Variants in CACNA2D1 observed in about 807,000 individuals in gnomAD.
The protein encoded by CACNA2D1 is calcium voltage-gated channel auxiliary subunit alpha2delta 1.
In CACNA2D1, 53 loss-of-function variants were observed where a neutral mutation model predicts 171.5. The observed-to-expected ratio is 0.31, with a 90% CI of 0.25 to 0.39. CACNA2D1 has a LOEUF of 0.39. Ranked by LOEUF, CACNA2D1 falls within the 10% of genes least tolerant of loss-of-function variation. CACNA2D1 has a pLI of 1.00. For missense variants in CACNA2D1, 903 were observed against 1,299.8 expected (o/e 0.69, Z 4.69); for synonymous variants, 442 against 443.1 (o/e 1.00, Z 0.03).
At chr7:81,970,163 A>T (rs1352945929) in intron 27 of CACNA2D1, among the ~76,000 whole-genome samples, 179 bp from the exon 28 acceptor site, 1 of 151,424 alleles carries the variant, frequency 6.6e-6, no homozygotes, top group Non-Finnish European at 1.5e-5. Context: ...CATAGCACTA[A>T]ATTAAGAATC....
intron 29 of CACNA2D1, 106 bp from the exon 30 acceptor site, chr7:81,967,769 GAAGTTT>G: frequency 1.6e-6 from 1 of 628,142 alleles, no homozygotes; most frequent in Admixed American, 2.6e-5. Context: ...GTTTATTACA[GAAGTTT>G]TAGTTTTGTG....
At chr7:82,319,463 C>T (rs570880918) in intron 3 of CACNA2D1, among the ~76,000 whole-genome samples, 1 of 152,270 alleles carries the variant, frequency 6.6e-6, no homozygotes, top group Admixed American at 6.5e-5. Flanking sequence ...AAGAGTCAAA[C>T]TTGTTACTAT....
chr7:81,969,998 G>A lies in CACNA2D1; in HGVS notation c.2205-14C>T, dbSNP rs574428824. On this transcript the variant is annotated splice_polypyrimidine_tract_variant and intron_variant, in intron 27 of 38. Transcript: ENST00000356860. The stretch of plus-strand genomic sequence containing the variant: ...TTTTCTCCAGCCCTAAGGAGGAAAT[G>A]GCTCATCATTTGTATTCTTTAATCT... 4.1e-6 allele frequency: 6 copies of A among 1,447,276 alleles called. No individual in the cohort carries two copies. The Admixed American group carries it at 5.1e-5, about 12-fold the overall frequency. The allele number at this position is 1,447,276 out of a possible 1,614,324, so 89.7% of individuals were successfully genotyped here. A position where few individuals can be genotyped will look rare whatever the true frequency, so the allele number is the denominator to read the frequency against.
chr7:82,357,196 T>C (rs1181328461), intron 1 of CACNA2D1, among the ~76,000 whole-genome samples: 1 of 152,156 alleles, frequency 6.6e-6, no homozygotes, highest in African/African-American at 2.4e-5. Flanking sequence ...AAGGTTGGAT[T>C]TGTCTGTAAT....
intron 3 of CACNA2D1, among the ~76,000 whole-genome samples, chr7:82,183,083 A>G (rs545519306): frequency 1.3e-5 from 2 of 152,050 alleles, no homozygotes; most frequent in Admixed American, 1.3e-4. Context: ...GATAAAATCA[A>G]CAAAACTTAT....
chr7:82,071,468 G>A (rs1211152015), intron 7 of CACNA2D1, among the ~76,000 whole-genome samples: 1 of 152,044 alleles, frequency 6.6e-6, no homozygotes, highest in Non-Finnish European at 1.5e-5. Context: ...GGCAGCAATG[G>A]GAATAGGGTA....
At chr7:82,281,741 T>TA (rs1240723070) in intron 3 of CACNA2D1, among the ~76,000 whole-genome samples, 1 of 152,176 alleles carries the variant, frequency 6.6e-6, no homozygotes, top group African/African-American at 2.4e-5. Flanking sequence ...TGAATATAAA[T>TA]ATCAAATGTA....
At chr7:82,033,145 T>G (rs950816017) in intron 11 of CACNA2D1, 9 of 370,904 alleles carry the variant, frequency 2.4e-5, no homozygotes, top group African/African-American at 1.6e-4. Context: ...TACGCCACTT[T>G]ATCATGAGGT....
intron 6 of CACNA2D1, among the ~76,000 whole-genome samples, chr7:82,099,419 CTTCTTTTT>C (rs1690718344): frequency 7.9e-5 from 4 of 50,524 alleles, no homozygotes; most frequent in African/African-American, 1.2e-4. Context: ...GTAGCAATAC[CTTCTTTTT>C]TTTTTTTTTT....
intron 12 of CACNA2D1, among the ~76,000 whole-genome samples, chr7:82,020,112 GA>G (rs1801003890): frequency 6.6e-6 from 1 of 152,172 alleles, no homozygotes; most frequent in African/African-American, 2.4e-5. Context: ...CCAAGGATCT[GA>G]AAGTTACTTG....
chr7:82,371,812 G>A (rs190469744), intron 1 of CACNA2D1, among the ~76,000 whole-genome samples: 3 of 152,176 alleles, frequency 2.0e-5, no homozygotes, highest in Admixed American at 1.3e-4. Context: ...CTGACCTCAG[G>A]TGATCTGCCT....
At chr7:82,145,977 C>T (rs1030954210) in intron 4 of CACNA2D1, among the ~76,000 whole-genome samples, 8 of 151,870 alleles carry the variant, frequency 5.3e-5, no homozygotes, top group Admixed American at 1.3e-4. Context: ...TTTCTTCATC[C>T]GGTATTTTCC....
At chr7:81,954,611 A>C (rs1793003619) in intron 38 of CACNA2D1, among the ~76,000 whole-genome samples, 1 of 152,088 alleles carries the variant, frequency 6.6e-6, no homozygotes, top group African/African-American at 2.4e-5. Flanking sequence ...AAGCTTAATA[A>C]TTTTTAATTT....
intron 10 of CACNA2D1, among the ~76,000 whole-genome samples, chr7:82,053,182 G>T (rs1805403265): frequency 6.6e-6 from 1 of 151,072 alleles, no homozygotes. Flanking sequence ...AACCTGGGAG[G>T]CGGAGCTTGC....
At chr7:82,026,398 T>C (rs1242966468) in intron 12 of CACNA2D1, among the ~76,000 whole-genome samples, 1 of 151,758 alleles carries the variant, frequency 6.6e-6, no homozygotes, top group Non-Finnish European at 1.5e-5. Context: ...TAAAGTTACA[T>C]GTGAACTTAT....
intron 4 of CACNA2D1, among the ~76,000 whole-genome samples, chr7:82,146,463 AAT>A (rs979907502): frequency 8.3e-5 from 10 of 120,306 alleles, no homozygotes; most frequent in South Asian, 2.5e-4. Flanking sequence ...GATATATATA[AAT>A]ATATATCTTT....
intron 3 of CACNA2D1, among the ~76,000 whole-genome samples, chr7:82,183,028 C>A (rs1455206698): frequency 7.7e-6 from 1 of 130,002 alleles, no homozygotes; most frequent in African/African-American, 2.9e-5. Flanking sequence ...TAGTGTGAGA[C>A]TCCATCTTAA....
chr7:81,971,096 C>G (rs1047553081), intron 26 of CACNA2D1: 6 of 247,720 alleles, frequency 2.4e-5, no homozygotes, highest in South Asian at 5.3e-5. Context: ...AGGAGAGAAA[C>G]AGTAAGAAGT....
rs573782538 is a variant in CACNA2D1, at chr7:82,292,839, T to C, written c.294+42296A>G. Among the ~76,000 whole-genome samples the C allele has an allele frequency of 3.3e-5, 5 of 152,236 alleles. 1 individual carries two copies. Among genetic ancestry groups the C allele is most frequent in the African/African-American group, 1.2e-4 (5 of 41,580 alleles). On this transcript the variant is annotated intron_variant, in intron 3 of 38. Coordinates refer to ENST00000356860, the MANE Select transcript of CACNA2D1 (RefSeq NM_000722.4). Reference sequence around the variant, plus strand: ...ATAATTTAAATAAACAAATTTTATATGAATATATGAGTAAGCATTCTTACT... The same window carrying C: ...ATAATTTAAATAAACAAATTTTATACGAATATATGAGTAAGCATTCTTACT...
Sources: allele counts gnomAD v4.1 joint callset (sites outside exome capture counted in the v4.1 genomes callset), GRCh38; gene constraint gnomAD v4.1.1; transcripts MANE v1.5; gene names NCBI Gene and HGNC (gene_info 2026-07-23, HGNC 2026-07-21).